The following DENND2C variants were observed in gnomAD, a reference collection of about 807,000 sequenced individuals.
The protein encoded by DENND2C is DENN domain-containing protein 2C.
A neutral mutation model predicts 112.4 loss-of-function variants in DENND2C; 72 were observed. That is an observed-to-expected ratio of 0.64 (90% CI 0.53 to 0.78). The LOEUF is 0.78. Ranked by LOEUF, DENND2C falls within the 30% of genes least tolerant of loss-of-function variation. The probability of loss-of-function intolerance (pLI) is 0.00; values close to 1 mark genes in which losing one functional copy is unlikely to be tolerated. For missense variants in DENND2C, 992 were observed against 1,113.8 expected (o/e 0.89, Z 1.56); for synonymous variants, 329 against 381.6 (o/e 0.86, Z 1.61).
chr1:114,587,494 TG>T (rs1655069892), intron 19 of DENND2C, 21 bp from the exon 20 acceptor site: 1 of 1,613,132 alleles, frequency 6.2e-7, no homozygotes, highest in Non-Finnish European at 8.5e-7. Context: ...AAACTCATGT[TG>T]GTGAAACTGT....
Position 114,658,966 on chromosome 1 carries a change from T to C in DENND2C, c.-573-4205A>G, listed in dbSNP as rs184566065. Among the ~76,000 whole-genome samples, 8 of 152,246 alleles carry C rather than the reference T, an allele frequency of 5.3e-5. No individual in the cohort carries two copies. In the East Asian group the frequency reaches 1.5e-3, roughly 29 times the overall value. ...CTAAGCTGCAAGAATTCATTCTCTT[T>C]TTGGAGTGCACATTAAACTCAGTTA... On this transcript the variant is annotated intron_variant, in intron 1 of 20. Coordinates refer to ENST00000393274, the MANE Select transcript of DENND2C (RefSeq NM_001256404.2).
At chr1:114,656,399 T>TTC (rs1223925272) in intron 1 of DENND2C, among the ~76,000 whole-genome samples, 1 of 105,760 alleles carries the variant, frequency 9.5e-6, no homozygotes, top group East Asian at 2.7e-4. Flanking sequence ...TTTTCTTTCT[T>TTC]TCTTTTTTTT....
intron 9 of DENND2C, 115 bp from the exon 10 acceptor site, chr1:114,608,988 G>A (rs1655739032): frequency 8.7e-7 from 1 of 1,152,964 alleles, no homozygotes; most frequent in Non-Finnish European, 1.2e-6. Flanking sequence ...CTGAATGAAT[G>A]TTGAATAACC....
intron 8 of DENND2C, among the ~76,000 whole-genome samples, chr1:114,615,939 G>A (rs1655954300): frequency 6.6e-6 from 1 of 152,086 alleles, no homozygotes; most frequent in South Asian, 2.1e-4. Context: ...GCCGGGTGTG[G>A]TGGTGGGCAC....
intron 16 of DENND2C, among the ~76,000 whole-genome samples, chr1:114,598,882 A>G (rs992951969): frequency 1.3e-5 from 2 of 152,096 alleles, no homozygotes; most frequent in African/African-American, 4.8e-5. Flanking sequence ...GAGTTTTACC[A>G]TGTTGGCCAG....
intron 3 of DENND2C, among the ~76,000 whole-genome samples, chr1:114,642,678 G>A (rs1656874395): frequency 1.3e-5 from 2 of 152,146 alleles, no homozygotes. Flanking sequence ...TCATTTTACA[G>A]ATAAGGCAAT....
At chr1:114,624,382 G>T (rs181221633) in intron 4 of DENND2C, among the ~76,000 whole-genome samples, 4 of 152,224 alleles carry the variant, frequency 2.6e-5, no homozygotes, top group Admixed American at 2.0e-4. Context: ...GCTCACTGTA[G>T]CCTGAGCTTT....
intron 1 of DENND2C, among the ~76,000 whole-genome samples, chr1:114,662,539 G>A (rs1329008827): frequency 6.6e-6 from 1 of 151,784 alleles, no homozygotes; most frequent in Non-Finnish European, 1.5e-5. Flanking sequence ...ACTTTAAAAA[G>A]TACAGCACAA....
intron 11 of DENND2C, 90 bp from the exon 12 acceptor site, chr1:114,602,284 A>T: frequency 3.8e-6 from 5 of 1,324,100 alleles, no homozygotes. Flanking sequence ...AGAGTCCAAC[A>T]GTAGTCATTT....
At chr1:114,604,449 A>C (rs1205849574) in intron 11 of DENND2C, among the ~76,000 whole-genome samples, 1 of 152,206 alleles carries the variant, frequency 6.6e-6, no homozygotes, top group South Asian at 2.1e-4. Flanking sequence ...AATATACTAC[A>C]CTTCCCAAAC....
chr1:114,628,061 T>C (rs1427888591), intron 3 of DENND2C, among the ~76,000 whole-genome samples: 2 of 152,054 alleles, frequency 1.3e-5, no homozygotes, highest in Non-Finnish European at 2.9e-5. Context: ...ATCCCAGGAC[T>C]TTAGGATGCT....
chr1:114,618,385 C>T lies in DENND2C; in HGVS notation c.1324+1G>A, dbSNP rs773782108. 1 of 1,564,406 alleles carries T rather than the reference C, an allele frequency of 6.4e-7. No homozygotes were observed. On this transcript the variant is annotated splice_donor_variant, in intron 8 of 20. Coordinates refer to ENST00000393274, the MANE Select transcript of DENND2C (RefSeq NM_001256404.2). LOFTEE classifies it high-confidence loss of function. ...TAGCTGGAACGAAAAACAATTCTTACCTTTTGTCGGAGGTAATTCCTTTCC... is the reference window on the plus strand; with the variant it reads ...TAGCTGGAACGAAAAACAATTCTTATCTTTTGTCGGAGGTAATTCCTTTCC...
intron 3 of DENND2C, among the ~76,000 whole-genome samples, chr1:114,629,987 G>A (rs1284479757): frequency 1.3e-5 from 2 of 152,184 alleles, no homozygotes; most frequent in Admixed American, 6.5e-5. Context: ...TAATGAAGGG[G>A]TACACTGTAA....
chr1:114,644,982 A>G (rs1003751106), intron 3 of DENND2C, among the ~76,000 whole-genome samples: 1 of 152,234 alleles, frequency 6.6e-6, no homozygotes, highest in Non-Finnish European at 1.5e-5. Context: ...CATGAGATTT[A>G]AAAAATCATT....
chr1:114,596,132 G>A (rs1308026520), intron 16 of DENND2C, among the ~76,000 whole-genome samples: 1 of 152,198 alleles, frequency 6.6e-6, no homozygotes, highest in Non-Finnish European at 1.5e-5. Flanking sequence ...CAGCACTTTG[G>A]AAAGCCGAGG....
rs143280406 is a variant in DENND2C at position 114,601,778 on chromosome 1, C to G, written c.1738-193G>C. Reference sequence around the variant, plus strand: ...TGTTTTATTCTAGGTTTAGTGAAGCCACCCAAGCAAGAAAAAAGCCCTAAT... The same window carrying G: ...TGTTTTATTCTAGGTTTAGTGAAGCGACCCAAGCAAGAAAAAAGCCCTAAT... On this transcript the variant is annotated intron_variant, in intron 12 of 20. Coordinates refer to ENST00000393274, the MANE Select transcript of DENND2C (RefSeq NM_001256404.2). 3.7e-3 allele frequency among the ~76,000 whole-genome samples: 561 copies of G among 152,202 alleles called. 12 individuals are homozygous for G. Among genetic ancestry groups the G allele is most frequent in the Non-Finnish European group, 9.9e-4 (67 of 68,014 alleles).
intron 7 of DENND2C, among the ~76,000 whole-genome samples, chr1:114,621,358 CA>C (rs1656159946): frequency 6.6e-6 from 1 of 152,198 alleles, no homozygotes; most frequent in African/African-American, 2.4e-5. Context: ...AGATGATGTA[CA>C]GACTTACTGC....
chr1:114,633,717 TAAC>T (rs1363178916), intron 3 of DENND2C, among the ~76,000 whole-genome samples: 1 of 151,870 alleles, frequency 6.6e-6, no homozygotes, highest in Non-Finnish European at 1.5e-5. Flanking sequence ...CTAAGAACGG[TAAC>T]AACAATAGTA....
At chr1:114,617,373 C>T (rs540018044) in intron 8 of DENND2C, among the ~76,000 whole-genome samples, 21 of 152,158 alleles carry the variant, frequency 1.4e-4, no homozygotes, top group East Asian at 3.9e-4. Flanking sequence ...TGCAGTGGCG[C>T]GATCTCACCT....
Sources: allele counts gnomAD v4.1 joint callset (sites outside exome capture counted in the v4.1 genomes callset), GRCh38; gene constraint gnomAD v4.1.1; transcripts MANE v1.5; gene names NCBI Gene and HGNC (gene_info 2026-07-23, HGNC 2026-07-21).